LRRC37A: variants seen among roughly 807,000 people sequenced by gnomAD.
The protein encoded by LRRC37A is leucine-rich repeat-containing protein 37A.
LRRC37A carries 3 observed loss-of-function variants against 35.4 expected under a neutral mutation model. That is an observed-to-expected ratio of 0.08 (90% CI 0.04 to 0.22). The LOEUF is 0.22. LRRC37A is among the 10% of genes least tolerant of loss of function. The pLI is 1.00. For missense variants in LRRC37A, 67 were observed against 565.3 expected (o/e 0.12, Z 8.94); for synonymous variants, 23 against 215.0 (o/e 0.11, Z 7.81).
At chr17:46,292,721 G>A (rs1407015520), upstream of LRRC37A, 6 of 79,096 alleles carry the variant, frequency 7.6e-5, 2 homozygotes, top group East Asian at 4.9e-4. Context: ...GAATGATTGC[G>A]CTACAGCTTT....
the LRRC37A span, among the ~76,000 whole-genome samples, chr17:46,265,248 T>C: frequency 9.8e-4 from 1 of 1,020 alleles, no homozygotes; most frequent in African/African-American, 2.9e-3. Flanking sequence ...AAATTTCCTT[T>C]CTTCTTCTTC....
the LRRC37A span, among the ~76,000 whole-genome samples, chr17:46,265,316 CTCT>C: frequency 1.2e-4 from 9 of 73,632 alleles, no homozygotes; most frequent in East Asian, 1.8e-3. Flanking sequence ...CTTCTTCTTC[CTCT>C]TCTTCTTTTT....
At chr17:46,248,414 C>T in the LRRC37A span, among the ~76,000 whole-genome samples, 13 of 152,120 alleles carry the variant, frequency 8.5e-5, no homozygotes, top group East Asian at 2.5e-3. Context: ...CCACCGTCAG[C>T]CCCTGTTAGC....
the LRRC37A span, among the ~76,000 whole-genome samples, chr17:46,271,499 A>G: frequency 6.6e-6 from 1 of 152,080 alleles, no homozygotes; most frequent in African/African-American, 2.4e-5. Context: ...GATAGTTTCA[A>G]TCAGGAAGAG....
chr17:46,249,584 A>T, the LRRC37A span, among the ~76,000 whole-genome samples: 1 of 152,198 alleles, frequency 6.6e-6, no homozygotes, highest in African/African-American at 2.4e-5. Context: ...CTTGTTGCCA[A>T]CAATGGAAAC....
the LRRC37A span, among the ~76,000 whole-genome samples, chr17:46,252,310 TTCTCCCA>T: frequency 4.0e-5 from 6 of 151,728 alleles, no homozygotes; most frequent in Non-Finnish European, 8.8e-5. Context: ...GCTTAAGTGA[TTCTCCCA>T]CCTCAGCCTC....
At position 46,305,510 on chromosome 17, in the gene LRRC37A, GATTT is replaced by G; in HGVS notation, c.2758_2761del (p.Leu920ProfsTer19). ...AAGGCAATATTTTCGTTTTCCTAGA[GATTT>G]ATCCTGCAATAAAATACAGTCTATT... On this transcript the variant is annotated frameshift_variant and splice_region_variant, in exon 4 of 14. Transcript: ENST00000320254. LOFTEE classifies it high-confidence loss of function. 2.6e-6 allele frequency: 1 copy of G among 388,642 alleles called. No individual in the cohort carries two copies. The highest frequency in any genetic ancestry group is 3.5e-5 in the South Asian group (1 of 28,732). 24.1% of individuals were successfully genotyped at this position (388,642 alleles called of 1,614,324 possible).
At chr17:46,260,512 C>A in the LRRC37A span, 1 of 1,606,048 alleles carries the variant, frequency 6.2e-7, no homozygotes, top group African/African-American at 1.3e-5. Context: ...TCTGCCCGTT[C>A]ACCTGCACCA....
At chr17:46,277,700 G>A in the LRRC37A span, among the ~76,000 whole-genome samples, 2 of 150,928 alleles carry the variant, frequency 1.3e-5, no homozygotes, top group Admixed American at 6.6e-5. Context: ...AGGTTGGAGT[G>A]CAGTGGTGGG....
upstream of LRRC37A, among the ~76,000 whole-genome samples, chr17:46,292,332 G>A (rs1431725345): frequency 1.4e-4 from 10 of 70,018 alleles, 4 homozygotes; most frequent in Admixed American, 4.5e-4. Flanking sequence ...ACACTCTCTC[G>A]AGGAAAAAAA....
chr17:46,278,268 C>T, the LRRC37A span, among the ~76,000 whole-genome samples: 1 of 151,312 alleles, frequency 6.6e-6, no homozygotes, highest in African/African-American at 2.4e-5. Flanking sequence ...TTATACTGCT[C>T]TTTCTTGTTT....
chr17:46,253,342 G>A, the LRRC37A span, among the ~76,000 whole-genome samples: 1 of 152,064 alleles, frequency 6.6e-6, no homozygotes, highest in African/African-American at 2.4e-5. Context: ...CTTCCCAGAC[G>A]GGGTGGCGGC....
the LRRC37A span, among the ~76,000 whole-genome samples, chr17:46,282,170 T>G: frequency 1.3e-5 from 2 of 151,804 alleles, no homozygotes; most frequent in African/African-American, 4.9e-5. Flanking sequence ...TGGCGCAATC[T>G]CGGCTCACTG....
the LRRC37A span, among the ~76,000 whole-genome samples, chr17:46,286,901 T>C: frequency 6.6e-6 from 1 of 152,358 alleles, no homozygotes; most frequent in Middle Eastern, 3.4e-3. Flanking sequence ...TTAGCCTCCT[T>C]TTCTGCGATG....
the LRRC37A span, among the ~76,000 whole-genome samples, chr17:46,255,363 CTTTTT>C: frequency 3.2e-5 from 4 of 126,362 alleles, no homozygotes; most frequent in Admixed American, 8.5e-5. Flanking sequence ...TCCCCAAATT[CTTTTT>C]TTTTTTTTTT....
chr17:46,260,944 C>A, the LRRC37A span, among the ~76,000 whole-genome samples: 8 of 152,088 alleles, frequency 5.3e-5, no homozygotes, highest in Admixed American at 3.3e-4. Context: ...TTATTCTCAG[C>A]GAAGTAACTC....
rs1436684386 is a variant in LRRC37A at position 46,317,150 on chromosome 17, G to T, written c.2907-5172G>T. Among the ~76,000 whole-genome samples the T allele has an allele frequency of 3.4e-5, 3 of 89,482 alleles. 1 individual carries two copies. Among genetic ancestry groups the T allele is most frequent in the African/African-American group, 9.0e-5 (3 of 33,384 alleles). The allele number at this position is 89,482 out of a possible 152,430, so 58.7% of individuals were successfully genotyped here. A position where few individuals can be genotyped will look rare whatever the true frequency, so the allele number is the denominator to read the frequency against. The stretch of plus-strand genomic sequence containing the variant: ...GGTACACCTCCCAGATGGGGTGGCG[G>T]CCGGGCAGAGGCGCTCCTCACATCC... On this transcript the variant is annotated intron_variant, in intron 5 of 13. Transcript: ENST00000320254.
At chr17:46,269,305 G>A in the LRRC37A span, among the ~76,000 whole-genome samples, 19 of 152,186 alleles carry the variant, frequency 1.2e-4, no homozygotes, top group Admixed American at 5.9e-4. Context: ...AGGCCGAGGC[G>A]GGTGGATCAC....
upstream of LRRC37A, among the ~76,000 whole-genome samples, chr17:46,291,369 G>A (rs1275253363): frequency 6.6e-6 from 1 of 152,010 alleles, no homozygotes; most frequent in Non-Finnish European, 1.5e-5. Flanking sequence ...ACACAAAACT[G>A]TGAGCAGGAC....
Sources: allele counts gnomAD v4.1 joint callset (sites outside exome capture counted in the v4.1 genomes callset), GRCh38; gene constraint gnomAD v4.1.1; transcripts MANE v1.5; gene names NCBI Gene and HGNC (gene_info 2026-07-23, HGNC 2026-07-21).